Variants in KIF6 observed in about 807,000 individuals in gnomAD.
The protein encoded by KIF6 is kinesin-like protein KIF6.
In KIF6, 106 loss-of-function variants were observed where a neutral mutation model predicts 112.7. The ratio of observed to expected loss-of-function variants is 0.94; its 90% CI spans 0.80 to 1.11. KIF6 has a LOEUF of 1.11. KIF6 is among the 50% of genes least tolerant of loss of function. The probability of loss-of-function intolerance (pLI) is 0.00; values close to 1 mark genes in which losing one functional copy is unlikely to be tolerated. For missense variants in KIF6, 929 were observed against 964.0 expected, an observed-to-expected ratio of 0.96 and a Z score of 0.48; for synonymous variants, 339 against 339.9, an observed-to-expected ratio of 1.00 and a Z score of 0.03.
intron 3 of KIF6, among the ~76,000 whole-genome samples, chr6:39,685,767 C>T (rs74365476): frequency 0.08 from 12,162 of 152,212 alleles, 509 homozygotes; most frequent in Middle Eastern, 0.11. Flanking sequence ...GGTCCAACCC[C>T]ACATGGGGCA....
chr6:39,721,502 C>G (rs772255904), intron 1 of KIF6, among the ~76,000 whole-genome samples: 3 of 152,144 alleles, frequency 2.0e-5, no homozygotes, highest in Non-Finnish European at 4.4e-5. Flanking sequence ...GTAACATTCT[C>G]TGATTCTCTT....
chr6:39,400,390 G>GGTT (rs1473436687), intron 15 of KIF6, among the ~76,000 whole-genome samples: 1 of 152,192 alleles, frequency 6.6e-6, no homozygotes, highest in Non-Finnish European at 1.5e-5. Flanking sequence ...AATGAAATCT[G>GGTT]GTTAAATGTG....
intron 16 of KIF6, among the ~76,000 whole-genome samples, chr6:39,367,330 G>C (rs1765637303): frequency 6.6e-6 from 1 of 152,198 alleles, no homozygotes; most frequent in Admixed American, 6.5e-5. Flanking sequence ...ACTCTGGCCA[G>C]GGACAGAGCC....
At chr6:39,360,584 G>A (rs1360644619) in intron 17 of KIF6, 54 bp from the exon 18 acceptor site, 1 of 1,606,568 alleles carries the variant, frequency 6.2e-7, no homozygotes, top group Non-Finnish European at 8.5e-7. Flanking sequence ...AGCACGGCAT[G>A]GATGCAGGGC....
intron 13 of KIF6, among the ~76,000 whole-genome samples, chr6:39,527,055 T>C (rs981914155): frequency 6.6e-6 from 1 of 152,252 alleles, no homozygotes; most frequent in African/African-American, 2.4e-5. Context: ...TGTTAGAGGA[T>C]TGGGTATATT....
rs142168482 is a variant in KIF6 at position 39,403,398 on chromosome 6, G to A, written c.1810+16550C>T. On this transcript the variant is annotated intron_variant, in intron 15 of 22. Coordinates refer to ENST00000287152, the MANE Select transcript of KIF6 (RefSeq NM_145027.6). ...CACTTTTTCAGAATGTCATATAGCT[G>A]GAATCAGATAGTAGGAGGCTTTATG... is the stretch of plus-strand genomic sequence containing the variant. Among the ~76,000 whole-genome samples, 414 of 152,192 alleles carry A rather than the reference G, an allele frequency of 2.7e-3. 1 individual carries two copies. The highest frequency in any genetic ancestry group is 9.2e-3 in the African/African-American group (380 of 41,512).
At chr6:39,369,613 TG>T (rs1375702317) in intron 16 of KIF6, among the ~76,000 whole-genome samples, 42 of 152,300 alleles carry the variant, frequency 2.8e-4, no homozygotes, top group African/African-American at 1.0e-3. Context: ...CCCCCAGGGA[TG>T]GCGGCCTCTC....
rs1038655290 is a variant in KIF6, at chr6:39,621,561, C to T, written c.510-8243G>A. Among the ~76,000 whole-genome samples, 6 of 152,332 alleles carry T rather than the reference C, an allele frequency of 3.9e-5. No homozygotes were observed. The South Asian group carries it at 1.0e-3, about 26-fold the overall frequency. On this transcript the variant is annotated intron_variant, in intron 5 of 22. Transcript: ENST00000287152. ...GAGAAAAAAATCATGTATTTAAGTT[C>T]CTTGTTCATCGCTGTGCCCCAGGCC...
At chr6:39,357,463 T>C in intron 18 of KIF6, 89 bp from the exon 19 acceptor site, 1 of 827,888 alleles carries the variant, frequency 1.2e-6, no homozygotes, top group South Asian at 1.7e-5. Context: ...TTTTTTTTTT[T>C]TTTGAGATGG....
rs547409182 is a variant in KIF6 at position 39,553,661 on chromosome 6, T to C, written c.1182-7973A>G. ...GGTTTTGAAAAGTTATACGATTGAT[T>C]TTGTTTTTGTCAATCCAGATTTTCA... On this transcript the variant is annotated intron_variant, in intron 10 of 22. Transcript: ENST00000287152. 2.0e-5 allele frequency: 3 copies of C among 152,332 alleles called. No homozygotes were observed. In the East Asian group the frequency reaches 5.8e-4, roughly 29 times the overall value. 9.4% of individuals were successfully genotyped at this position (152,332 alleles called of 1,614,324 possible).
At chr6:39,611,223 G>A (rs1783198504) in intron 6 of KIF6, among the ~76,000 whole-genome samples, 1 of 152,120 alleles carries the variant, frequency 6.6e-6, no homozygotes, top group South Asian at 2.1e-4. Flanking sequence ...CACAAGAATG[G>A]CTTGAACCCG....
At chr6:39,539,174 A>C (rs1283973307) in intron 13 of KIF6, among the ~76,000 whole-genome samples, 1 of 151,788 alleles carries the variant, frequency 6.6e-6, no homozygotes, top group Non-Finnish European at 1.5e-5. Context: ...ATATGTAACT[A>C]ACCTGCATAT....
At chr6:39,463,048 C>A (rs776893734) in intron 13 of KIF6, among the ~76,000 whole-genome samples, 1 of 152,174 alleles carries the variant, frequency 6.6e-6, no homozygotes. Context: ...GCTAAGACAA[C>A]AGCTAAGATG....
At position 39,590,588 on chromosome 6, in the gene KIF6, A is replaced by AT. The variant is rs565580966; in HGVS notation, c.847-4185dup. On this transcript the variant is annotated intron_variant, in intron 7 of 22. Coordinates refer to ENST00000287152, the MANE Select transcript of KIF6 (RefSeq NM_145027.6). ...AGCCTCAGCCTCCCGAGTAGCTGGG[A>AT]TTATAGGCATGCAGCACCATGCCCA... 1.5e-3 allele frequency among the ~76,000 whole-genome samples: 221 copies of AT among 151,408 alleles called. 1 individual carries two copies. Among genetic ancestry groups the AT allele is most frequent in the African/African-American group, 4.8e-3 (199 of 41,242 alleles).
At chr6:39,649,458 C>T (rs772399959) in intron 3 of KIF6, among the ~76,000 whole-genome samples, 2 of 152,098 alleles carry the variant, frequency 1.3e-5, no homozygotes, top group South Asian at 2.1e-4. Flanking sequence ...TATACATCTG[C>T]GGGCATACTG....
chr6:39,521,877 C>T (rs1165394756), intron 13 of KIF6, among the ~76,000 whole-genome samples: 1 of 152,172 alleles, frequency 6.6e-6, no homozygotes, highest in Non-Finnish European at 1.5e-5. Flanking sequence ...GACTTTTATC[C>T]TGTCATCTTT....
chr6:39,456,094 G>A, intron 13 of KIF6, among the ~76,000 whole-genome samples: 4 of 34,746 alleles, frequency 1.2e-4, no homozygotes, highest in Non-Finnish European at 1.2e-4. Context: ...TGAAATGAAG[G>A]AAAAAATGTT....
chr6:39,391,344 C>T (rs1234021173), intron 15 of KIF6, among the ~76,000 whole-genome samples: 1 of 152,128 alleles, frequency 6.6e-6, no homozygotes, highest in African/African-American at 2.4e-5. Context: ...AGTGAGGCTC[C>T]CTACCACCCA....
chr6:39,380,209 T>C (rs867312331), intron 16 of KIF6, among the ~76,000 whole-genome samples: 1 of 152,234 alleles, frequency 6.6e-6, no homozygotes, highest in Non-Finnish European at 1.5e-5. Context: ...AACATTGTTC[T>C]ATTGTTTCCT....
Sources: allele counts gnomAD v4.1 joint callset (sites outside exome capture counted in the v4.1 genomes callset), GRCh38; gene constraint gnomAD v4.1.1; transcripts MANE v1.5; gene names NCBI Gene and HGNC (gene_info 2026-07-23, HGNC 2026-07-21).